Variants in RNF216 observed in about 807,000 individuals in gnomAD.
RNF216 encodes E3 ubiquitin-protein ligase RNF216.
In RNF216, 72 loss-of-function variants were observed where a neutral mutation model predicts 110.8. That is an observed-to-expected ratio of 0.65 (90% CI 0.54 to 0.79). The LOEUF (loss-of-function observed/expected upper bound fraction) is 0.79. Among genes scored for constraint, RNF216 ranks in the 30% least tolerant of loss-of-function variants. RNF216 has a pLI of 0.00. For missense variants in RNF216, 1,342 were observed against 1,141.2 expected, an observed-to-expected ratio of 1.18 and a Z score of -2.54; for synonymous variants, 495 against 407.5, an observed-to-expected ratio of 1.21 and a Z score of -2.59.
At chr7:5,634,007 T>C (rs1032303112) in intron 15 of RNF216, among the ~76,000 whole-genome samples, 1 of 152,232 alleles carries the variant, frequency 6.6e-6, no homozygotes, top group East Asian at 1.9e-4. Context: ...GGGGAAAAGA[T>C]TCAATTTATT....
chr7:5,736,574 GCCGC>G (rs1334094891), intron 5 of RNF216, among the ~76,000 whole-genome samples: 2 of 151,996 alleles, frequency 1.3e-5, no homozygotes, highest in Non-Finnish European at 2.9e-5. Flanking sequence ...TCTCTGCCTG[GCCGC>G]CCATCGTCTG....
At chr7:5,759,503 C>G (rs943331534) in intron 2 of RNF216, among the ~76,000 whole-genome samples, 4 of 152,096 alleles carry the variant, frequency 2.6e-5, no homozygotes, top group Non-Finnish European at 5.9e-5. Flanking sequence ...CTGTAGCTCA[C>G]TTTATTGTAA....
Position 5,653,457 on chromosome 7 carries a change from T to G in RNF216, c.2062-947A>C, listed in dbSNP as rs966955076. 9.5e-4 allele frequency among the ~76,000 whole-genome samples: 143 copies of G among 151,026 alleles called. 1 individual carries two copies. Among genetic ancestry groups the G allele is most frequent in the African/African-American group, 3.3e-3 (136 of 41,150 alleles). The stretch of plus-strand genomic sequence containing the variant: ...ACTAAAAATACAAAAAAAAATTAGC[T>G]GGGCGTGGTGGCAGGCGCCTGTAGT... On this transcript the variant is annotated intron_variant, in intron 13 of 16. Coordinates refer to ENST00000389902, the MANE Select transcript of RNF216 (RefSeq NM_207111.4).
At chr7:5,653,600 C>CAAAAAAAAA (rs34530431) in intron 13 of RNF216, among the ~76,000 whole-genome samples, 1 of 50,494 alleles carries the variant, frequency 2.0e-5, no homozygotes, top group African/African-American at 8.6e-5. Flanking sequence ...GACTCTGTCT[C>CAAAAAAAAA]AAAAAAAAAA....
rs561111809 is a variant in RNF216 at position 5,675,897 on chromosome 7, C to T, written c.2062-23387G>A. Reference sequence around the variant, plus strand: ...GCTAATTTTGTATTTTTAGTAGAGACGGGGTTTCTCTATGTTGGTCAGGCT... The same window carrying T: ...GCTAATTTTGTATTTTTAGTAGAGATGGGGTTTCTCTATGTTGGTCAGGCT... On this transcript the variant is annotated intron_variant, in intron 13 of 16. Coordinates refer to ENST00000389902, the MANE Select transcript of RNF216 (RefSeq NM_207111.4). Among the ~76,000 whole-genome samples, 235 of 151,840 alleles carry T rather than the reference C, an allele frequency of 1.5e-3. 3 individuals are homozygous for T. Among genetic ancestry groups the T allele is most frequent in the African/African-American group, 5.3e-3 (220 of 41,394 alleles).
At chr7:5,639,908 T>C (rs1000600014) in intron 15 of RNF216, among the ~76,000 whole-genome samples, 3 of 151,876 alleles carry the variant, frequency 2.0e-5, no homozygotes, top group Non-Finnish European at 2.9e-5. Flanking sequence ...TACAGGCGCC[T>C]GCCACCACGC....
rs188232162 is a variant in RNF216 at position 5,710,053 on chromosome 7, A to G, written c.2061+1708T>C. Among the ~76,000 whole-genome samples the G allele has an allele frequency of 4.4e-4, 67 of 152,306 alleles. 1 individual carries two copies. Among genetic ancestry groups the G allele is most frequent in the African/African-American group, 1.4e-3 (60 of 41,574 alleles). ...ACAGGCATGAGCCACTGGGCAACCA[A>G]TGCAGCTGCTTTTAAATGTCTTCAG... is the stretch of plus-strand genomic sequence containing the variant. On this transcript the variant is annotated intron_variant, in intron 13 of 16. Coordinates refer to ENST00000389902, the MANE Select transcript of RNF216 (RefSeq NM_207111.4).
rs575658480 is a variant in RNF216 at position 5,751,977 on chromosome 7, G to A, written c.201+869C>T. Among the ~76,000 whole-genome samples, 400 of 152,172 alleles carry A rather than the reference G, an allele frequency of 2.6e-3. 3 individuals carry two copies. Among genetic ancestry groups the A allele is most frequent in the African/African-American group, 9.1e-3 (376 of 41,524 alleles). On this transcript the variant is annotated intron_variant, in intron 3 of 16. Coordinates refer to ENST00000389902, the MANE Select transcript of RNF216 (RefSeq NM_207111.4). ...CTGAGGGGGGCGGATCACGAGGTCA[G>A]GAGTTCAAGACCAGCCTGGCCAAGA... is the stretch of plus-strand genomic sequence containing the variant.
chr7:5,667,020 T>C (rs1584411558), intron 13 of RNF216, among the ~76,000 whole-genome samples: 1 of 152,078 alleles, frequency 6.6e-6, no homozygotes, highest in Non-Finnish European at 1.5e-5. Flanking sequence ...TTGCTCAGAC[T>C]GGTCTCAAAC....
intron 13 of RNF216, among the ~76,000 whole-genome samples, chr7:5,656,500 GA>G (rs1171642869): frequency 1.3e-5 from 2 of 152,114 alleles, no homozygotes; most frequent in Admixed American, 1.3e-4. Flanking sequence ...CCGACTGGGG[GA>G]AACCACGGAG....
chr7:5,704,607 A>G (rs1792172241), intron 13 of RNF216, among the ~76,000 whole-genome samples: 1 of 152,192 alleles, frequency 6.6e-6, no homozygotes, highest in East Asian at 1.9e-4. Flanking sequence ...TACTTTTCAA[A>G]CACCCAAGAG....
chr7:5,712,012 C>T, intron 12 of RNF216, 173 bp from the exon 13 acceptor site: 1 of 602,128 alleles, frequency 1.7e-6, no homozygotes, highest in Non-Finnish European at 2.9e-6. Flanking sequence ...TGTGCTGGCT[C>T]TTATCAGGAA....
chr7:5,741,690 G>A lies in RNF216; in HGVS notation c.327C>T (p.Ser109=). Residue 109 remains serine (S), a synonymous_variant, in exon 4 of 17, where the codon AGC becomes AGT. Coordinates refer to ENST00000389902, the MANE Select transcript of RNF216 (RefSeq NM_207111.4). ...ATGGGTTGTTACACACTGAAAAATA[G>A]CTGCTCTTATCTGATTCAAATGCTG... ...SRAAFESDKS[S]YFSVCNNPLF... is the part of the protein sequence containing the mutation. The A allele has an allele frequency of 6.2e-7, 1 of 1,614,176 alleles. No individual in the cohort carries two copies. Among genetic ancestry groups the A allele is most frequent in the Non-Finnish European group, 8.5e-7 (1 of 1,180,042 alleles).
intron 13 of RNF216, among the ~76,000 whole-genome samples, chr7:5,705,162 G>A (rs1035204251): frequency 2.0e-5 from 3 of 152,022 alleles, no homozygotes; most frequent in African/African-American, 7.3e-5. Context: ...CTGTGTTACT[G>A]ACCCGGATCA....
intron 13 of RNF216, among the ~76,000 whole-genome samples, chr7:5,662,956 G>C (rs1415618707): frequency 6.6e-6 from 1 of 152,118 alleles, no homozygotes. Flanking sequence ...AGAGCGCTCA[G>C]AGAATCCAGC....
chr7:5,652,640 A>C, intron 13 of RNF216, 130 bp from the exon 14 acceptor site: 1 of 657,842 alleles, frequency 1.5e-6, no homozygotes, highest in South Asian at 1.7e-5. Flanking sequence ...TCTCCTTTTC[A>C]GGGGGGATAT....
chr7:5,631,063 G>GGAA (rs1424094041), intron 15 of RNF216, among the ~76,000 whole-genome samples: 6 of 152,098 alleles, frequency 3.9e-5, no homozygotes, highest in African/African-American at 1.4e-4. Flanking sequence ...AAACACAAGA[G>GGAA]GGTTCCTTCT....
rs1257832501 is a variant in RNF216 at position 5,624,742 on chromosome 7, C to G, written c.2383-617G>C. ...TAGGCCTGAAATAACAAACACAATT[C>G]ACACTTGGGTTATCCAAGCCTCAGA... On this transcript the variant is annotated intron_variant, in intron 15 of 16. Transcript: ENST00000389902. The surrounding 1 kb of genome is among the most constrained non-coding windows in gnomAD (Gnocchi z 4.4). Among the ~76,000 whole-genome samples the G allele has an allele frequency of 6.6e-6, 1 of 152,226 alleles. No homozygotes were observed. The highest frequency in any genetic ancestry group is 1.5e-5 in the Non-Finnish European group (1 of 68,036).
chr7:5,641,401 A>G (rs750933450), intron 14 of RNF216, 25 bp from the exon 15 acceptor site: 1 of 1,591,658 alleles, frequency 6.3e-7, no homozygotes, highest in Non-Finnish European at 8.6e-7. Context: ...CATAATTTGG[A>G]GCTGGGAGGG....
Sources: gnomAD v4.1 joint callset for allele counts (sites outside exome capture counted in the v4.1 genomes callset) on GRCh38, gnomAD v4.1.1 for gene constraint, Gnocchi (gnomAD v3.1) non-coding constraint, MANE v1.5 for transcripts, NCBI Gene and HGNC (gene_info 2026-07-23, HGNC 2026-07-21) for gene names.